Variants in GNPTAB observed in about 807,000 individuals in gnomAD.
The protein encoded by GNPTAB is N-acetylglucosamine-1-phosphotransferase subunits alpha/beta.
In GNPTAB, 92 loss-of-function variants were observed where a neutral mutation model predicts 136.6. The observed-to-expected ratio is 0.67, with a 90% CI of 0.57 to 0.80. The LOEUF (loss-of-function observed/expected upper bound fraction) is 0.80, where lower values mean the gene tolerates loss of function less well. GNPTAB is among the 30% of genes least tolerant of loss of function. GNPTAB has a pLI of 0.00. For missense variants in GNPTAB, 1,343 were observed against 1,501.8 expected, an observed-to-expected ratio of 0.89 and a Z score of 1.75; for synonymous variants, 512 against 535.1, an observed-to-expected ratio of 0.96 and a Z score of 0.60.
At chr12:101,817,236 A>G (rs1415943653) in intron 1 of GNPTAB, among the ~76,000 whole-genome samples, 3 of 149,952 alleles carry the variant, frequency 2.0e-5, no homozygotes, top group African/African-American at 7.4e-5. Flanking sequence ...GATGATGGAT[A>G]TCCCCATTAC....
At chr12:101,795,365 C>A (rs1016484534) in intron 2 of GNPTAB, among the ~76,000 whole-genome samples, 14 of 152,268 alleles carry the variant, frequency 9.2e-5, no homozygotes, top group Admixed American at 2.6e-4. Context: ...TTAGTATGGA[C>A]CCCAAAGTGC....
chr12:101,800,513 C>T (rs1869554412), intron 1 of GNPTAB, among the ~76,000 whole-genome samples: 3 of 147,688 alleles, frequency 2.0e-5, no homozygotes, highest in African/African-American at 7.5e-5. Context: ...AATCCCAGCA[C>T]TTTGGGAGGT....
chr12:101,758,885 T>C (rs1952944879), intron 16 of GNPTAB, among the ~76,000 whole-genome samples: 1 of 152,218 alleles, frequency 6.6e-6, no homozygotes, highest in Non-Finnish European at 1.5e-5. Flanking sequence ...ATCTACTCAT[T>C]GTAGAAAATA....
At chr12:101,797,935 G>T (rs540469979) in intron 1 of GNPTAB, among the ~76,000 whole-genome samples, 10 of 151,932 alleles carry the variant, frequency 6.6e-5, no homozygotes, top group Non-Finnish European at 1.3e-4. Context: ...CTTTCAGTAG[G>T]ATTATTCCCA....
chr12:101,803,900 G>C (rs1869787708), intron 1 of GNPTAB, among the ~76,000 whole-genome samples: 1 of 152,122 alleles, frequency 6.6e-6, no homozygotes, highest in South Asian at 2.1e-4. Context: ...TTGTTTGCCA[G>C]TTGGGGAGTA....
intron 1 of GNPTAB, among the ~76,000 whole-genome samples, chr12:101,826,342 T>C (rs1386924813): frequency 3.3e-5 from 5 of 152,192 alleles, no homozygotes; most frequent in African/African-American, 1.2e-4. Context: ...TGATACGTTA[T>C]ACATACACCA....
intron 1 of GNPTAB, among the ~76,000 whole-genome samples, chr12:101,799,824 G>C (rs969578000): frequency 7.2e-6 from 1 of 138,770 alleles, no homozygotes; most frequent in African/African-American, 2.6e-5. Flanking sequence ...TCTACCTGCC[G>C]CAAAACACAG....
rs1379047970 is a variant in GNPTAB at position 101,745,885 on chromosome 12, A to G, written c.*1279T>C. 1.3e-5 allele frequency: 2 copies of G among 152,420 alleles called. No individual in the cohort carries two copies. Among genetic ancestry groups the G allele is most frequent in the East Asian group, 3.9e-4 (2 of 5,186 alleles). The allele number at this position is 152,420 out of a possible 1,614,324, so 9.4% of individuals were successfully genotyped here. On this transcript the variant is annotated 3_prime_UTR_variant, in exon 21 of 21. Transcript: ENST00000299314. The stretch of plus-strand genomic sequence containing the variant: ...CCCCGTCTCTACTAAAAATACAAAA[A>G]TTAGCAGGGTGTGGTGGCATGCACC...
chr12:101,788,705 C>G, intron 3 of GNPTAB, 116 bp from the exon 4 acceptor site: 1 of 689,580 alleles, frequency 1.5e-6, no homozygotes, highest in Non-Finnish European at 2.7e-6. Flanking sequence ...AAACATGGTA[C>G]CAGGCTGTCA....
chr12:101,786,289 T>G, intron 4 of GNPTAB, 72 bp from the exon 5 acceptor site: 7 of 1,241,586 alleles, frequency 5.6e-6, no homozygotes, highest in Non-Finnish European at 8.1e-6. Flanking sequence ...CTTGTCATAC[T>G]ACTAAATTTT....
chr12:101,793,518 A>C (rs1869111400), intron 2 of GNPTAB, among the ~76,000 whole-genome samples: 1 of 152,192 alleles, frequency 6.6e-6, no homozygotes, highest in Non-Finnish European at 1.5e-5. Flanking sequence ...AAATGGAAGG[A>C]GACTGTGTGA....
At chr12:101,801,396 C>T (rs890882548) in intron 1 of GNPTAB, among the ~76,000 whole-genome samples, 4 of 150,880 alleles carry the variant, frequency 2.7e-5, no homozygotes, top group African/African-American at 9.7e-5. Context: ...AAAAATTAGC[C>T]GGGTGTGGTG....
chr12:101,817,201 A>T (rs1287070070), intron 1 of GNPTAB, among the ~76,000 whole-genome samples: 2 of 152,132 alleles, frequency 1.3e-5, no homozygotes, highest in Admixed American at 6.6e-5. Flanking sequence ...AATGTTCCCA[A>T]CACAAAGAAA....
intron 18 of GNPTAB, among the ~76,000 whole-genome samples, chr12:101,755,887 T>C (rs1367405702): frequency 2.0e-5 from 3 of 152,210 alleles, no homozygotes; most frequent in Admixed American, 6.5e-5. Context: ...AAAATGTCTA[T>C]GAATACTCTA....
At chr12:101,765,972 G>C in intron 12 of GNPTAB, 119 bp downstream of exon 12, 1 of 854,218 alleles carries the variant, frequency 1.2e-6, no homozygotes, top group South Asian at 1.3e-5. Flanking sequence ...TTGAATGCAA[G>C]GCTGGTAAAG....
Position 101,772,310 on chromosome 12 carries a change from A to G in GNPTAB, c.772-1153T>C, listed in dbSNP as rs1953188585. On this transcript the variant is annotated intron_variant, in intron 7 of 20. Transcript: ENST00000299314. ...TACGGTCTTCTTTCTCAATCTATAAAACAAAGCAAACACAAATTTTATTAT... is the reference window on the plus strand; with the variant it reads ...TACGGTCTTCTTTCTCAATCTATAAGACAAAGCAAACACAAATTTTATTAT... Among the ~76,000 whole-genome samples the G allele has an allele frequency of 2.0e-5, 3 of 152,188 alleles. No homozygotes were observed. In the South Asian group the frequency reaches 6.2e-4, roughly 32 times the overall value.
At chr12:101,770,865 T>A in intron 8 of GNPTAB, 131 bp downstream of exon 8, 1 of 964,650 alleles carries the variant, frequency 1.0e-6, no homozygotes, top group East Asian at 2.4e-5. Context: ...TGGCAGTGAC[T>A]GAAAAATTAG....
At chr12:101,772,643 A>G (rs898060134) in intron 7 of GNPTAB, among the ~76,000 whole-genome samples, 3 of 152,076 alleles carry the variant, frequency 2.0e-5, no homozygotes, top group African/African-American at 7.2e-5. Context: ...TTGCCTCAGC[A>G]TATGTGCCGG....
At chr12:101,820,440 C>T (rs532022038) in intron 1 of GNPTAB, among the ~76,000 whole-genome samples, 3 of 152,162 alleles carry the variant, frequency 2.0e-5, no homozygotes, top group Non-Finnish European at 4.4e-5. Flanking sequence ...TGTAGACTAA[C>T]TGCCCTGCAG....
Sources: gnomAD v4.1 joint callset for allele counts (sites outside exome capture counted in the v4.1 genomes callset) on GRCh38, gnomAD v4.1.1 for gene constraint, MANE v1.5 for transcripts, NCBI Gene and HGNC (gene_info 2026-07-23, HGNC 2026-07-21) for gene names.